Variants in TBC1D22A observed in about 807,000 individuals in gnomAD.
TBC1D22A encodes putative GTPase activator.
Under a neutral mutation model 60.2 loss-of-function variants are expected in TBC1D22A, and 38 were observed. The observed-to-expected ratio is 0.63, with a 90% CI of 0.49 to 0.83. The LOEUF (loss-of-function observed/expected upper bound fraction) is 0.83. Among genes scored for constraint, TBC1D22A ranks in the 40% least tolerant of loss-of-function variants. The pLI is 0.00. For synonymous variants in TBC1D22A, 302 were observed against 281.7 expected (o/e 1.07, Z -0.72); for missense variants, 628 against 701.0 (o/e 0.90, Z 1.18).
chr22:46,775,907 G>A (rs1171031389), intron 1 of TBC1D22A, among the ~76,000 whole-genome samples: 1 of 152,248 alleles, frequency 6.6e-6, no homozygotes, highest in African/African-American at 2.4e-5. Flanking sequence ...TGCACAGTGA[G>A]GAAGAGAATT....
At chr22:46,805,784 C>A (rs538473756) in intron 4 of TBC1D22A, among the ~76,000 whole-genome samples, 1 of 151,850 alleles carries the variant, frequency 6.6e-6, no homozygotes, top group Admixed American at 6.6e-5. Flanking sequence ...TGTCTCTCAC[C>A]GCCCCCCCAC....
rs1419032007 is a variant in TBC1D22A, at chr22:47,028,594, C to T, written c.1202-8477C>T. ...TGTCCCCCACGGCCCAGGAATGAAT[C>T]TGGTATGACCTCTTCTGTCTCGCCT... On this transcript the variant is annotated intron_variant, in intron 10 of 12. Transcript: ENST00000337137. The surrounding 1 kb of genome is among the most constrained non-coding windows in gnomAD (Gnocchi z 4.4). Among the ~76,000 whole-genome samples the T allele has an allele frequency of 6.6e-6, 1 of 152,144 alleles. No individual in the cohort carries two copies. Among genetic ancestry groups the T allele is most frequent in the African/African-American group, 2.4e-5 (1 of 41,414 alleles).
intron 12 of TBC1D22A, among the ~76,000 whole-genome samples, chr22:47,146,113 T>C (rs1304409017): frequency 3.5e-5 from 5 of 142,420 alleles, no homozygotes; most frequent in Non-Finnish European, 6.1e-5. Context: ...GGCGCGGGGA[T>C]GTGCTGGATT....
intron 1 of TBC1D22A, among the ~76,000 whole-genome samples, chr22:46,778,207 G>A (rs989874003): frequency 1.3e-5 from 2 of 151,978 alleles, no homozygotes; most frequent in South Asian, 2.1e-4. Context: ...ACTGTGCATC[G>A]TGTAGATGTC....
intron 11 of TBC1D22A, among the ~76,000 whole-genome samples, chr22:47,068,466 T>C (rs184873003): frequency 9.1e-4 from 139 of 152,378 alleles, no homozygotes; most frequent in Admixed American, 2.9e-3. Flanking sequence ...GTGGGGACTT[T>C]GATGTTACGA....
At chr22:47,033,404 G>C (rs2062549892) in intron 10 of TBC1D22A, among the ~76,000 whole-genome samples, 1 of 152,214 alleles carries the variant, frequency 6.6e-6, no homozygotes, top group Non-Finnish European at 1.5e-5. Context: ...GCCAGGCTGG[G>C]AATGTGTCCA....
At chr22:46,951,368 G>A (rs12628756) in intron 8 of TBC1D22A, among the ~76,000 whole-genome samples, 43,252 of 152,004 alleles carry the variant, frequency 0.28, 7,600 homozygotes, top group Middle Eastern at 0.44. Context: ...TTCTGAGGCC[G>A]GGCAGCAGTG....
At position 46,973,984 on chromosome 22, in the gene TBC1D22A, A is replaced by G. The variant is rs1260064074; in HGVS notation, c.1016-306A>G. Among the ~76,000 whole-genome samples the G allele has an allele frequency of 2.0e-5, 3 of 152,264 alleles. No homozygotes were observed. The East Asian group carries it at 5.8e-4, about 29-fold the overall frequency. On this transcript the variant is annotated intron_variant, in intron 8 of 12. Coordinates refer to ENST00000337137, the MANE Select transcript of TBC1D22A (RefSeq NM_014346.5). Reference sequence around the variant, plus strand: ...ACTTTCAGATCTGTTAGGATTAAGTAATATATTCTATTTTCTCTCTTATTA... The same window carrying G: ...ACTTTCAGATCTGTTAGGATTAAGTGATATATTCTATTTTCTCTCTTATTA...
At chr22:47,135,912 T>C (rs1244235126) in intron 12 of TBC1D22A, among the ~76,000 whole-genome samples, 1 of 151,356 alleles carries the variant, frequency 6.6e-6, no homozygotes, top group South Asian at 2.1e-4. Flanking sequence ...ACTGAGCACG[T>C]GCCATGTGCC....
chr22:47,016,758 C>T (rs546617573), intron 10 of TBC1D22A, among the ~76,000 whole-genome samples: 41 of 152,338 alleles, frequency 2.7e-4, no homozygotes, highest in African/African-American at 8.9e-4. Flanking sequence ...CAGCCGTATT[C>T]GTTTCAGAAG....
chr22:47,006,553 A>AGGCCACCCAGGCCGGATGGC (rs2061597662), intron 10 of TBC1D22A, among the ~76,000 whole-genome samples: 1 of 152,206 alleles, frequency 6.6e-6, no homozygotes, highest in Non-Finnish European at 1.5e-5. Context: ...TGGCCGTCTC[A>AGGCCACCCAGGCCGGATGGC]GGCCACCCAG....
At chr22:47,055,865 G>T (rs28444493) in intron 11 of TBC1D22A, among the ~76,000 whole-genome samples, 87,035 of 151,110 alleles carry the variant, frequency 0.58, 25,638 homozygotes, top group East Asian at 0.96. Context: ...GATACGCCAC[G>T]GAGGGTTGAT....
At chr22:46,970,827 T>C (rs973472982) in intron 8 of TBC1D22A, among the ~76,000 whole-genome samples, 5 of 152,144 alleles carry the variant, frequency 3.3e-5, no homozygotes, top group Non-Finnish European at 5.9e-5. Context: ...TGCCTGCAGT[T>C]CCGCCTGGGC....
At chr22:47,026,284 G>A (rs2062255322) in intron 10 of TBC1D22A, among the ~76,000 whole-genome samples, 1 of 152,214 alleles carries the variant, frequency 6.6e-6, no homozygotes, top group African/African-American at 2.4e-5. Context: ...AATAGGAAAG[G>A]GAGGGTGTCA....
At chr22:47,063,162 C>T (rs528568391) in intron 11 of TBC1D22A, among the ~76,000 whole-genome samples, 22 of 152,108 alleles carry the variant, frequency 1.4e-4, no homozygotes, top group African/African-American at 4.6e-4. Context: ...GCTGAAGAAT[C>T]GCTGGGGCTC....
rs564598780 is a variant in TBC1D22A, at chr22:47,101,671, G to A, written c.1330-9837G>A. On this transcript the variant is annotated intron_variant, in intron 11 of 12. Transcript: ENST00000337137. ...TCAAGTGCTAGGGCTGTAACAGACC[G>A]GCGCCAGCAGGAACAGGCCCAGCAC... Among the ~76,000 whole-genome samples, 49 of 152,330 alleles carry A rather than the reference G, an allele frequency of 3.2e-4. 1 individual carries two copies. The highest frequency in any genetic ancestry group is 7.5e-4 in the African/African-American group (31 of 41,574).
chr22:47,020,129 A>T (rs1156950981), intron 10 of TBC1D22A, among the ~76,000 whole-genome samples: 1 of 152,122 alleles, frequency 6.6e-6, no homozygotes. Context: ...GGGCCTAGGG[A>T]TGGAAAGGAA....
At chr22:47,002,804 G>A (rs2148258331) in intron 10 of TBC1D22A, among the ~76,000 whole-genome samples, 1 of 152,296 alleles carries the variant, frequency 6.6e-6, no homozygotes, top group Non-Finnish European at 1.5e-5. Context: ...TGTTCTGAGG[G>A]GACTTAAGGC....
intron 11 of TBC1D22A, among the ~76,000 whole-genome samples, chr22:47,106,314 G>A (rs1220217591): frequency 6.6e-6 from 1 of 152,186 alleles, no homozygotes. Flanking sequence ...TTATTCCCCA[G>A]ATTCAGAAAG....
Sources: allele counts gnomAD v4.1 joint callset (sites outside exome capture counted in the v4.1 genomes callset), GRCh38; gene constraint gnomAD v4.1.1; non-coding constraint Gnocchi (gnomAD v3.1); transcripts MANE v1.5; gene names NCBI Gene and HGNC (gene_info 2026-07-23, HGNC 2026-07-21).